Variants in ADCY6 observed in about 807,000 individuals in gnomAD.
ADCY6 encodes the protein adenylate cyclase type 6.
In ADCY6, 59 loss-of-function variants were observed where a neutral mutation model predicts 111.6. The ratio of observed to expected loss-of-function variants is 0.53; its 90% CI spans 0.43 to 0.66. ADCY6 has a LOEUF of 0.66. ADCY6 is among the 30% of genes least tolerant of loss of function. The pLI is 0.00. For synonymous variants in ADCY6, 576 were observed against 642.9 expected, an observed-to-expected ratio of 0.90 and a Z score of 1.57; for missense variants, 1,242 against 1,595.6, an observed-to-expected ratio of 0.78 and a Z score of 3.78.
chr12:48,783,570 C>T, intron 1 of ADCY6, 132 bp from the exon 2 acceptor site: 1 of 1,504,282 alleles, frequency 6.6e-7, no homozygotes, highest in East Asian at 2.3e-5. Flanking sequence ...TGAGTTTCAT[C>T]CTCATAAAAT....
intron 16 of ADCY6, among the ~76,000 whole-genome samples, chr12:48,773,236 A>T (rs577864298): frequency 1.0e-4 from 15 of 148,680 alleles, no homozygotes; most frequent in Admixed American, 2.0e-4. Flanking sequence ...GTAAGAGGGA[A>T]TTTTTTTTTT....
At chr12:48,785,417 C>T (rs764929793) in intron 1 of ADCY6, among the ~76,000 whole-genome samples, 3 of 152,186 alleles carry the variant, frequency 2.0e-5, no homozygotes, top group South Asian at 4.2e-4. Context: ...GTCAGGAGTT[C>T]GAGACCAGCC....
intron 1 of ADCY6, among the ~76,000 whole-genome samples, chr12:48,784,665 GTTTTTTT>G (rs766502422): frequency 5.5e-5 from 4 of 72,294 alleles, no homozygotes; most frequent in Non-Finnish European, 1.0e-4. Context: ...AAAATCTGGA[GTTTTTTT>G]TTTTTTTTTT....
intron 11 of ADCY6, 84 bp downstream of exon 11, chr12:48,775,219 C>A: frequency 6.3e-7 from 1 of 1,580,868 alleles, no homozygotes. Context: ...CCAGAAACAC[C>A]TGTGCCCTCA....
chr12:48,772,556 T>G lies in ADCY6; in HGVS notation c.2622-13A>C. 11 of 1,614,086 alleles carry G rather than the reference T, an allele frequency of 6.8e-6. No homozygotes were observed. The highest frequency in any genetic ancestry group is 9.3e-6 in the Non-Finnish European group (11 of 1,179,986). On this transcript the variant is annotated splice_polypyrimidine_tract_variant and intron_variant, in intron 16 of 21. Transcript: ENST00000357869. ...ATTGGAAGAAGCCCTGGTAAGAAGA[T>G]AGAAGAGACAAAGTCATCAGTGCTT...
In ADCY6 at chr12:48,768,505, C is replaced by A; in HGVS notation, c.*86G>T. 6.3e-7 allele frequency: 1 copy of A among 1,592,398 alleles called. No homozygotes were observed. The highest frequency in any genetic ancestry group is 8.6e-7 in the Non-Finnish European group (1 of 1,161,972). On this transcript the variant is annotated 3_prime_UTR_variant, in exon 22 of 22. Coordinates refer to ENST00000357869, the MANE Select transcript of ADCY6 (RefSeq NM_015270.5). ...GTTAGCAGGGTCTGGAGGCTCAGTG[C>A]CCCCTGCCACAGCTCCACCCAGTGA... is the stretch of plus-strand genomic sequence containing the variant.
At chr12:48,768,812 C>T in intron 21 of ADCY6, 96 bp from the exon 22 acceptor site, 2 of 1,557,314 alleles carry the variant, frequency 1.3e-6, no homozygotes, top group South Asian at 1.2e-5. Context: ...CTCCCTTCCC[C>T]CAGTCCCTGC....
At chr12:48,774,203 AC>A in intron 14 of ADCY6, 105 bp from the exon 15 acceptor site, 1 of 1,172,174 alleles carries the variant, frequency 8.5e-7, no homozygotes, top group South Asian at 1.5e-5. Flanking sequence ...GGTACCTTAT[AC>A]CCCATGGGCC....
At position 48,769,041 on chromosome 12, in the gene ADCY6, C is replaced by T; in HGVS notation, c.3277G>A (p.Val1093Met). ...MKIGLNMGPV[V>M]AGVIGARKPQ... ...TTCCGAGCCCCGATGACACCTGCCA[C>T]GACTGGGCCCATGTTCAGCCCTGAG... is the stretch of plus-strand genomic sequence containing the variant. The change falls in exon 21 of 22, where the codon GTG becomes ATG. Residue 1093 changes from valine (V) to methionine (M), a missense_variant. Coordinates refer to ENST00000357869, the MANE Select transcript of ADCY6 (RefSeq NM_015270.5). 6.2e-7 allele frequency: 1 copy of T among 1,612,872 alleles called. No homozygotes were observed. The highest frequency in any genetic ancestry group is 8.5e-7 in the Non-Finnish European group (1 of 1,179,432).
chr12:48,775,148 G>A (rs1941662065), intron 11 of ADCY6, 94 bp from the exon 12 acceptor site: 2 of 1,437,566 alleles, frequency 1.4e-6, no homozygotes, highest in African/African-American at 1.4e-5. Flanking sequence ...CAACAGGGAG[G>A]AGATGCAGTT....
At position 48,777,876 on chromosome 12, in the gene ADCY6, C is replaced by T. The variant is rs1592161194; in HGVS notation, c.1015-140G>A. The T allele has an allele frequency of 7.2e-7, 1 of 1,388,608 alleles. No individual in the cohort carries two copies. Among genetic ancestry groups the T allele is most frequent in the African/African-American group, 1.4e-5 (1 of 69,732 alleles). The allele number at this position is 1,388,608 out of a possible 1,614,324, so 86.0% of individuals were successfully genotyped here. On this transcript the variant is annotated intron_variant, in intron 3 of 21. Coordinates refer to ENST00000357869, the MANE Select transcript of ADCY6 (RefSeq NM_015270.5). The surrounding 1 kb of genome is among the most constrained non-coding windows in gnomAD (Gnocchi z 4.9). ...CCTTCTGGACTGTGGCCTGACCTTC[C>T]CCCATCAGAGCCCCCTCTGACCACC... is the stretch of plus-strand genomic sequence containing the variant.
At chr12:48,772,242 C>A in intron 18 of ADCY6, 53 bp downstream of exon 18, 2 of 1,562,010 alleles carry the variant, frequency 1.3e-6, no homozygotes, top group Non-Finnish European at 1.7e-6. Context: ...TCTGGCCTGG[C>A]CCAGGCTCCG....
Position 48,769,074 on chromosome 12 carries a change from G to A in ADCY6, c.3257-13C>T, listed in dbSNP as rs1403218428. 4 of 1,603,914 alleles carry A rather than the reference G, an allele frequency of 2.5e-6. No individual in the cohort carries two copies. The highest frequency in any genetic ancestry group is 2.7e-5 in the African/African-American group (2 of 74,786). The stretch of plus-strand genomic sequence containing the variant: ...CCCATGTTCAGCCCTGAGGTGGAGA[G>A]AACAGCAAGAGACTAGTGGATGCTC... On this transcript the variant is annotated splice_polypyrimidine_tract_variant and intron_variant, in intron 20 of 21. Coordinates refer to ENST00000357869, the MANE Select transcript of ADCY6 (RefSeq NM_015270.5).
At chr12:48,769,161 A>G (rs1237273073) in intron 20 of ADCY6, 100 bp from the exon 21 acceptor site, 1 of 1,307,212 alleles carries the variant, frequency 7.6e-7, no homozygotes, top group Non-Finnish European at 1.0e-6. Flanking sequence ...AGAGAAAAAA[A>G]TGGAAAAAGG....
Position 48,775,262 on chromosome 12 carries a change from C to T in ADCY6, c.1980+41G>A, listed in dbSNP as rs1347130986. On this transcript the variant is annotated intron_variant, in intron 11 of 21. Transcript: ENST00000357869. Reference sequence around the variant, plus strand: ...TCAGCCTTCCCTGCTGCGACCTGCCCCTCCCCCAGCCCTTGTCCTTCTGCC... The same window carrying T: ...TCAGCCTTCCCTGCTGCGACCTGCCTCTCCCCCAGCCCTTGTCCTTCTGCC... The T allele has an allele frequency of 3.7e-6, 6 of 1,611,440 alleles. No individual in the cohort carries two copies. In the East Asian group the frequency reaches 1.1e-4, roughly 30 times the overall value.
rs1191602870 is a variant in ADCY6, at chr12:48,783,307, T to G, written c.128A>C (p.Tyr43Ser). The G allele has an allele frequency of 6.2e-7, 1 of 1,613,558 alleles. No individual in the cohort carries two copies. The highest frequency in any genetic ancestry group is 1.7e-5 in the Admixed American group (1 of 59,988). Residue 43 changes from tyrosine (Y) to serine (S), a missense_variant, in exon 2 of 22, where the codon TAT becomes TCT. By Grantham distance (144) the Tyr-to-Ser change is moderately radical. Around this residue, in one of 4 missense-constraint regions of ADCY6, gnomAD observed 362 missense variants for 377.2 expected, o/e 0.96. Transcript: ENST00000357869. ...CTCTGCATCCCGGAGGCAGCTCATA[T>G]AGCGGGGCGTGCAGAAGCCACCTGC... ...TRAGGFCTPR[Y>S]MSCLRDAEPP...
chr12:48,782,553 A>G lies in ADCY6; in HGVS notation c.864+18T>C. On this transcript the variant is annotated intron_variant, in intron 2 of 21. Transcript: ENST00000357869. This position sits in a 1 kb window ranked among gnomAD's most constrained non-coding sequence, Gnocchi z 4.3. ...TCCCCACCTGCTGCCCTCCATCCCT[A>G]CCTCCCTGGCCACCTACCTGCTTCC... The G allele has an allele frequency of 6.3e-7, 1 of 1,596,760 alleles. No homozygotes were observed. The highest frequency in any genetic ancestry group is 8.5e-7 in the Non-Finnish European group (1 of 1,171,358).
Position 48,782,831 on chromosome 12 carries a change from T to A in ADCY6, c.604A>T (p.Ser202Cys). 1 of 1,614,060 alleles carries A rather than the reference T, an allele frequency of 6.2e-7. No individual in the cohort carries two copies. The highest frequency in any genetic ancestry group is 8.5e-7 in the Non-Finnish European group (1 of 1,179,952). ...VGLMVVCNRH[S>C]FRQDSMWVVS... ...ACCCACATGGAGTCCTGGCGGAAGC[T>A]ATGCCGGTTACACACCACCATGAGC... The change falls in exon 2 of 22, where the codon AGC becomes TGC. Residue 202 changes from serine (S) to cysteine (C), a missense_variant. By Grantham distance (112) the Ser-to-Cys change is moderately radical (BLOSUM62 -1). This residue lies in a region of ADCY6 where 362 missense variants were observed against 377.2 expected (regional missense o/e 0.96). Transcript: ENST00000357869. The surrounding 1 kb of genome is among the most constrained non-coding windows in gnomAD (Gnocchi z 4.3).
Position 48,778,268 on chromosome 12 carries a change from T to C in ADCY6, c.865-11A>G, listed in dbSNP as rs754040494. On this transcript the variant is annotated splice_polypyrimidine_tract_variant and intron_variant, in intron 2 of 21. Coordinates refer to ENST00000357869, the MANE Select transcript of ADCY6 (RefSeq NM_015270.5). Reference sequence around the variant, plus strand: ...CACATTGGCACCGAGCTGCAGGAGGTGGCAGAGGCAGACAGTGACCATCTC... The same window carrying C: ...CACATTGGCACCGAGCTGCAGGAGGCGGCAGAGGCAGACAGTGACCATCTC... The C allele has an allele frequency of 3.7e-6, 6 of 1,613,824 alleles. No homozygotes were observed. The African/African-American group carries it at 8.0e-5, about 22-fold the overall frequency.
Sources: allele counts gnomAD v4.1 joint callset (sites outside exome capture counted in the v4.1 genomes callset), GRCh38; gene constraint gnomAD v4.1.1; regional missense constraint gnomAD v4.1.1; non-coding constraint Gnocchi (gnomAD v3.1); transcripts MANE v1.5; gene names NCBI Gene and HGNC (gene_info 2026-07-23, HGNC 2026-07-21).